MYO1E: variants seen among roughly 807,000 people sequenced by gnomAD.
MYO1E encodes myosin IE.
MYO1E carries 68 observed loss-of-function variants against 151.1 expected under a neutral mutation model. That is an observed-to-expected ratio of 0.45 (90% CI 0.37 to 0.55). The LOEUF is 0.55. Ranked by LOEUF, MYO1E falls within the 20% of genes least tolerant of loss-of-function variation. The pLI is 0.00. For missense variants in MYO1E, 1,363 were observed against 1,389.3 expected, an observed-to-expected ratio of 0.98 and a Z score of 0.30; for synonymous variants, 601 against 501.7, an observed-to-expected ratio of 1.20 and a Z score of -2.64.
At chr15:59,368,586 A>C (rs1241884671) in intron 1 of MYO1E, among the ~76,000 whole-genome samples, 1 of 152,078 alleles carries the variant, frequency 6.6e-6, no homozygotes, top group Non-Finnish European at 1.5e-5. Context: ...TCCACTAAAA[A>C]ATACAAAATA....
chr15:59,138,997 C>A (rs531301084), intron 26 of MYO1E, among the ~76,000 whole-genome samples: 1 of 152,166 alleles, frequency 6.6e-6, no homozygotes, highest in East Asian at 1.9e-4. Flanking sequence ...TACTACACCA[C>A]TGCGCGAGTG....
Position 59,372,690 on chromosome 15 carries a change from G to A in MYO1E, c.-190C>T, listed in dbSNP as rs1479287129. 2 of 671,284 alleles carry A rather than the reference G, an allele frequency of 3.0e-6. No individual in the cohort carries two copies. Among genetic ancestry groups the A allele is most frequent in the Non-Finnish European group, 2.4e-6 (1 of 414,142 alleles). 41.6% of individuals were successfully genotyped at this position (671,284 alleles called of 1,614,324 possible). On this transcript the variant is annotated 5_prime_UTR_variant, in exon 1 of 28. Transcript: ENST00000288235. ...ATCCAGGCGGGATTGGCGGTGCTAG[G>A]TGAGGGCGAGACGGCGGCGACTTAG...
At chr15:59,226,074 G>C (rs1196547416) in intron 7 of MYO1E, among the ~76,000 whole-genome samples, 1 of 152,166 alleles carries the variant, frequency 6.6e-6, no homozygotes, top group African/African-American at 2.4e-5. Flanking sequence ...ATTTAAAGAA[G>C]TCCTGACATC....
In MYO1E at chr15:59,188,061, T is replaced by C; in HGVS notation, c.1904+57A>G. 3.8e-6 allele frequency: 5 copies of C among 1,313,750 alleles called. No homozygotes were observed. The South Asian group carries it at 4.7e-5, about 12-fold the overall frequency. The allele number at this position is 1,313,750 out of a possible 1,614,324, so 81.4% of individuals were successfully genotyped here. A position where few individuals can be genotyped will look rare whatever the true frequency, so the allele number is the denominator to read the frequency against. ...CTTGAAGTGGGTGAATTGTATAGAT[T>C]TGAATTATAGCTCAATAAACCTGTT... On this transcript the variant is annotated intron_variant, in intron 18 of 27. Coordinates refer to ENST00000288235, the MANE Select transcript of MYO1E (RefSeq NM_004998.4).
chr15:59,143,980 G>A (rs2079426213), intron 26 of MYO1E, among the ~76,000 whole-genome samples: 1 of 152,142 alleles, frequency 6.6e-6, no homozygotes, highest in Non-Finnish European at 1.5e-5. Context: ...ACAGTGACTT[G>A]TGTGGCTATT....
chr15:59,141,967 C>G (rs1033696980), intron 26 of MYO1E, among the ~76,000 whole-genome samples: 1 of 151,460 alleles, frequency 6.6e-6, no homozygotes, highest in Non-Finnish European at 1.5e-5. Context: ...ATTAGCCGGG[C>G]GTGGTGGCGG....
At chr15:59,267,086 T>C (rs1174826568) in intron 2 of MYO1E, among the ~76,000 whole-genome samples, 6 of 125,324 alleles carry the variant, frequency 4.8e-5, no homozygotes, top group Non-Finnish European at 7.9e-5. Flanking sequence ...AGTGCAGTGG[T>C]GCAATCTCGG....
chr15:59,139,634 C>T (rs1434087443), intron 26 of MYO1E, among the ~76,000 whole-genome samples: 1 of 151,104 alleles, frequency 6.6e-6, no homozygotes, highest in Non-Finnish European at 1.5e-5. Flanking sequence ...CCTACCCCTT[C>T]CTTATTACTC....
intron 1 of MYO1E, among the ~76,000 whole-genome samples, chr15:59,363,142 A>AT (rs1240865096): frequency 2.6e-5 from 4 of 151,394 alleles, no homozygotes; most frequent in Admixed American, 6.6e-5. Flanking sequence ...TGCCTGGCTA[A>AT]TTTTTTTTGC....
At chr15:59,317,205 G>A (rs543711632) in intron 1 of MYO1E, among the ~76,000 whole-genome samples, 1 of 152,166 alleles carries the variant, frequency 6.6e-6, no homozygotes, top group African/African-American at 2.4e-5. Context: ...AGATGAACAA[G>A]GCACACACAT....
chr15:59,239,718 A>C (rs2080088842), intron 4 of MYO1E, among the ~76,000 whole-genome samples: 2 of 152,244 alleles, frequency 1.3e-5, no homozygotes. Context: ...CTTTTCCAGC[A>C]GACTTAAAAT....
intron 5 of MYO1E, among the ~76,000 whole-genome samples, chr15:59,232,670 T>C (rs149944474): frequency 1.5e-3 from 221 of 152,366 alleles, no homozygotes; most frequent in African/African-American, 5.0e-3. Flanking sequence ...TTCTGGCTTG[T>C]GCTCTTTAGC....
chr15:59,338,377 T>G (rs188970197), intron 1 of MYO1E, among the ~76,000 whole-genome samples: 11 of 151,262 alleles, frequency 7.3e-5, no homozygotes, highest in African/African-American at 2.7e-4. Flanking sequence ...TGAGCAAACT[T>G]TCTGAGTTTT....
intron 1 of MYO1E, among the ~76,000 whole-genome samples, chr15:59,323,574 T>A (rs998184367): frequency 2.0e-5 from 3 of 151,586 alleles, no homozygotes; most frequent in Admixed American, 6.6e-5. Context: ...GAGAATGGCA[T>A]GACCCCGGGA....
At chr15:59,372,157 G>T (rs1382024493) in intron 1 of MYO1E, among the ~76,000 whole-genome samples, 1 of 151,050 alleles carries the variant, frequency 6.6e-6, no homozygotes, top group Non-Finnish European at 1.5e-5. Flanking sequence ...CGCCCCCCAC[G>T]TCCCAGCAGG....
intron 1 of MYO1E, among the ~76,000 whole-genome samples, chr15:59,349,761 T>C (rs1473448919): frequency 6.6e-6 from 1 of 152,226 alleles, no homozygotes; most frequent in African/African-American, 2.4e-5. Context: ...CAGGGATGTG[T>C]CTGTTTTCTT....
At chr15:59,172,183 C>G in intron 21 of MYO1E, 141 bp from the exon 22 acceptor site, 1 of 929,102 alleles carries the variant, frequency 1.1e-6, no homozygotes, top group South Asian at 1.4e-5. Flanking sequence ...ATGGTGAAAC[C>G]CCGTCTCTAC....
At chr15:59,164,713 C>G (rs2077578863) in intron 22 of MYO1E, among the ~76,000 whole-genome samples, 2 of 152,310 alleles carry the variant, frequency 1.3e-5, no homozygotes, top group South Asian at 4.1e-4. Context: ...CTTGGAATGA[C>G]AGGGCTCCCT....
At chr15:59,155,655 C>A (rs970087586) in intron 25 of MYO1E, among the ~76,000 whole-genome samples, 3 of 152,168 alleles carry the variant, frequency 2.0e-5, no homozygotes, top group Non-Finnish European at 2.9e-5. Context: ...CCAGCGCACA[C>A]GCAGTAATAT....
Sources: gnomAD v4.1 joint callset for allele counts (sites outside exome capture counted in the v4.1 genomes callset) on GRCh38, gnomAD v4.1.1 for gene constraint, MANE v1.5 for transcripts, NCBI Gene and HGNC (gene_info 2026-07-23, HGNC 2026-07-21) for gene names.